Variants in CALD1 observed in about 807,000 individuals in gnomAD.
CALD1 encodes caldesmon.
Under a neutral mutation model 99.9 loss-of-function variants are expected in CALD1, and 33 were observed. That is an observed-to-expected ratio of 0.33 (90% CI 0.25 to 0.44). The LOEUF (loss-of-function observed/expected upper bound fraction) is 0.44, where lower values mean the gene tolerates loss of function less well. Among genes scored for constraint, CALD1 ranks in the 20% least tolerant of loss-of-function variants. CALD1 has a pLI of 1.00. For synonymous variants in CALD1, 310 were observed against 325.0 expected, an observed-to-expected ratio of 0.95 and a Z score of 0.50; for missense variants, 861 against 962.1, an observed-to-expected ratio of 0.89 and a Z score of 1.39.
chr7:134,920,541 T>C (rs932405969), intron 3 of CALD1: 2 of 1,246,580 alleles, frequency 1.6e-6, no homozygotes, highest in African/African-American at 1.5e-5. Context: ...GGGGAGTGTA[T>C]TGCTGCAGAA....
chr7:134,827,610 G>A (rs1030174000), intron 1 of CALD1, among the ~76,000 whole-genome samples: 2 of 152,238 alleles, frequency 1.3e-5, no homozygotes, highest in African/African-American at 4.8e-5. Flanking sequence ...GACTTGGCCA[G>A]ATGACAACGG....
chr7:134,941,001 C>T, intron 6 of CALD1, 91 bp from the exon 7 acceptor site: 2 of 1,035,032 alleles, frequency 1.9e-6, no homozygotes, highest in Non-Finnish European at 2.8e-6. Flanking sequence ...TTCTGCCTTC[C>T]TAACAATTTT....
At chr7:134,741,235 A>C (rs1796589571), upstream of CALD1, among the ~76,000 whole-genome samples, 1 of 152,112 alleles carries the variant, frequency 6.6e-6, no homozygotes, top group South Asian at 2.1e-4. Flanking sequence ...ACTTACAGTT[A>C]TGGTGGAAAG....
In CALD1 at chr7:134,904,323, G is replaced by A. The variant is rs149039364; in HGVS notation, c.72-24431G>A. On this transcript the variant is annotated intron_variant, in intron 3 of 14. Coordinates refer to ENST00000361675, the MANE Select transcript of CALD1 (RefSeq NM_033138.4). ...TGGCCATGCATGGTGGCTCACACCT[G>A]TAATCCCAACACTTTGAGAGGTCGA... Among the ~76,000 whole-genome samples, 684 of 152,190 alleles carry A rather than the reference G, an allele frequency of 4.5e-3. 5 individuals carry two copies. Among genetic ancestry groups the A allele is most frequent in the Non-Finnish European group, 8.0e-3 (543 of 68,018 alleles).
At chr7:134,780,450 C>T (rs1256710216) in intron 1 of CALD1, among the ~76,000 whole-genome samples, 1 of 152,156 alleles carries the variant, frequency 6.6e-6, no homozygotes, top group Non-Finnish European at 1.5e-5. Flanking sequence ...TTAGAAAGCA[C>T]ATTTAACGTC....
chr7:134,753,983 G>C (rs1383913233), intron 1 of CALD1, among the ~76,000 whole-genome samples: 1 of 152,208 alleles, frequency 6.6e-6, no homozygotes, highest in Non-Finnish European at 1.5e-5. Flanking sequence ...CTGACTTCCA[G>C]TCCCTTCTCT....
At chr7:134,785,807 T>A (rs972452331) in intron 1 of CALD1, among the ~76,000 whole-genome samples, 2 of 152,148 alleles carry the variant, frequency 1.3e-5, no homozygotes, top group African/African-American at 4.8e-5. Flanking sequence ...CACATAAATA[T>A]CTTCTAATAT....
intron 1 of CALD1, among the ~76,000 whole-genome samples, chr7:134,786,562 T>C (rs1797313290): frequency 6.6e-6 from 1 of 152,236 alleles, no homozygotes; most frequent in South Asian, 2.1e-4. Context: ...CCCTGTCTTA[T>C]TGGTCTGTCA....
chr7:134,936,825 G>A (rs1806018646), intron 6 of CALD1, among the ~76,000 whole-genome samples: 2 of 152,184 alleles, frequency 1.3e-5, no homozygotes, highest in Non-Finnish European at 2.9e-5. Flanking sequence ...GTTTGGAAGT[G>A]AAAATTGAAT....
intron 1 of CALD1, among the ~76,000 whole-genome samples, chr7:134,815,879 A>G (rs1798541735): frequency 6.6e-6 from 1 of 152,216 alleles, no homozygotes; most frequent in Admixed American, 6.5e-5. Flanking sequence ...AAAGCCTATT[A>G]ATTTTTTAAA....
At chr7:134,965,133 A>C (rs540456642) in intron 13 of CALD1, 173 bp from the exon 14 acceptor site, 17 of 541,892 alleles carry the variant, frequency 3.1e-5, no homozygotes, top group African/African-American at 2.5e-4. Context: ...ATAAAAAAAT[A>C]AAAAAATCAA....
intron 3 of CALD1, chr7:134,928,057 C>T (rs1382009817): frequency 6.5e-6 from 2 of 309,066 alleles, no homozygotes; most frequent in Admixed American, 3.1e-5. Flanking sequence ...AGTGTCTACA[C>T]AAATAACTCA....
chr7:134,868,809 T>G (rs1800926843), intron 3 of CALD1, among the ~76,000 whole-genome samples: 1 of 139,132 alleles, frequency 7.2e-6, no homozygotes, highest in Non-Finnish European at 1.6e-5. Context: ...CTGCATTCTG[T>G]TGGTTCAAAT....
chr7:134,857,295 G>A (rs942548672), intron 2 of CALD1, among the ~76,000 whole-genome samples: 1 of 148,456 alleles, frequency 6.7e-6, no homozygotes, highest in African/African-American at 2.5e-5. Flanking sequence ...CAGCCTCTCC[G>A]AGTAGCTGGG....
the CALD1 span, among the ~76,000 whole-genome samples, chr7:134,717,313 A>T: frequency 3.9e-5 from 6 of 152,362 alleles, no homozygotes; most frequent in Non-Finnish European, 8.8e-5. Context: ...ACAGTGCCAT[A>T]CATAATGGTG....
rs186060885 is a variant in CALD1 at position 134,804,154 on chromosome 7, A to G, written c.-130+24405A>G. 2.0e-5 allele frequency among the ~76,000 whole-genome samples: 3 copies of G among 152,326 alleles called. No individual in the cohort carries two copies. In the East Asian group the frequency reaches 5.8e-4, roughly 29 times the overall value. ...GATAAGGATTTAGTACATTCATACA[A>G]TCTCCCCGTTCAATACGGCATCTTC... On this transcript the variant is annotated intron_variant, in intron 1 of 14. Transcript: ENST00000361675.
intron 3 of CALD1, among the ~76,000 whole-genome samples, chr7:134,926,957 T>C (rs1473395315): frequency 6.6e-6 from 1 of 152,212 alleles, no homozygotes; most frequent in African/African-American, 2.4e-5. Context: ...ATTATTAGCA[T>C]GAAATGTTTA....
chr7:134,753,864 G>A (rs951760470), intron 1 of CALD1, among the ~76,000 whole-genome samples: 1 of 152,178 alleles, frequency 6.6e-6, no homozygotes, highest in Non-Finnish European at 1.5e-5. Flanking sequence ...CCAGAAATTT[G>A]TATTTCCTTC....
chr7:134,818,494 T>C (rs1303941548), intron 1 of CALD1, among the ~76,000 whole-genome samples: 1 of 152,184 alleles, frequency 6.6e-6, no homozygotes, highest in Non-Finnish European at 1.5e-5. Flanking sequence ...TCAGTGTTTA[T>C]TCGGCGGAGG....
Sources: allele counts gnomAD v4.1 joint callset (sites outside exome capture counted in the v4.1 genomes callset), GRCh38; gene constraint gnomAD v4.1.1; transcripts MANE v1.5; gene names NCBI Gene and HGNC (gene_info 2026-07-23, HGNC 2026-07-21).